Variants in SEMA5B observed in about 807,000 individuals in gnomAD.
SEMA5B encodes the protein semaphorin-5B.
In SEMA5B, 66 loss-of-function variants were observed where a neutral mutation model predicts 135.0. The observed-to-expected ratio is 0.49, with a 90% confidence interval of 0.40 to 0.60. The LOEUF (loss-of-function observed/expected upper bound fraction) is 0.60. Among genes scored for constraint, SEMA5B ranks in the 20% least tolerant of loss-of-function variants. SEMA5B has a pLI of 0.00. For synonymous variants in SEMA5B, 690 were observed against 639.5 expected, an observed-to-expected ratio of 1.08 and a Z score of -1.19; for missense variants, 1,501 against 1,566.3, an observed-to-expected ratio of 0.96 and a Z score of 0.70.
At chr3:122,922,214 G>A (rs780025509) in intron 11 of SEMA5B, 26 bp downstream of exon 11, 8 of 1,597,264 alleles carry the variant, frequency 5.0e-6, no homozygotes, top group East Asian at 2.3e-5. Context: ...CCGACCTGCA[G>A]TCCAGGTTGG....
At chr3:122,948,376 G>A (rs1576358107) in intron 3 of SEMA5B, 130 bp downstream of exon 3, 1 of 695,934 alleles carries the variant, frequency 1.4e-6, no homozygotes, top group South Asian at 3.1e-5. Flanking sequence ...TCAGGACCCC[G>A]GGACGGGACC....
At chr3:123,006,205 A>AC (rs1942305308) in intron 1 of SEMA5B, among the ~76,000 whole-genome samples, 1 of 152,162 alleles carries the variant, frequency 6.6e-6, no homozygotes, top group Non-Finnish European at 1.5e-5. Flanking sequence ...TTGGTAAATG[A>AC]CCCCTGAGAG....
intron 21 of SEMA5B, 196 bp downstream of exon 21, chr3:122,911,293 TAC>T: frequency 6.9e-7 from 1 of 1,458,694 alleles, no homozygotes; most frequent in Non-Finnish European, 9.2e-7. Flanking sequence ...CTTCCTTGGG[TAC>T]AGACTGATGA....
At position 122,989,412 on chromosome 3, in the gene SEMA5B, ACCTTC is replaced by A. The variant is rs547529865; in HGVS notation, c.-38-28116_-38-28112del. 2.6e-5 allele frequency among the ~76,000 whole-genome samples: 4 copies of A among 152,224 alleles called. No homozygotes were observed. In the South Asian group the frequency reaches 8.3e-4, roughly 32 times the overall value. On this transcript the variant is annotated intron_variant, in intron 1 of 22. Coordinates refer to ENST00000357599, the MANE Select transcript of SEMA5B (RefSeq NM_001031702.4). ...TGCAGAGGCAGTGTCCTGGCTCTGA[ACCTTC>A]CCCTCATAGTCGACCCTAGACTGGC...
At chr3:122,941,452 GT>G (rs1378711726) in intron 4 of SEMA5B, among the ~76,000 whole-genome samples, 1 of 152,242 alleles carries the variant, frequency 6.6e-6, no homozygotes, top group African/African-American at 2.4e-5. Flanking sequence ...CTGAGCTTCA[GT>G]TTCCTGGTCC....
intron 2 of SEMA5B, among the ~76,000 whole-genome samples, chr3:122,953,843 T>C (rs1035176621): frequency 4.6e-5 from 7 of 152,220 alleles, no homozygotes; most frequent in Non-Finnish European, 7.3e-5. Flanking sequence ...CCCCTCCATT[T>C]ATGGTCAAAG....
intron 1 of SEMA5B, among the ~76,000 whole-genome samples, chr3:122,972,353 A>T (rs553346428): frequency 6.6e-6 from 1 of 152,292 alleles, no homozygotes; most frequent in South Asian, 2.1e-4. Flanking sequence ...ATGGTAACAC[A>T]AATGGTTCTG....
intron 1 of SEMA5B, among the ~76,000 whole-genome samples, chr3:122,962,382 G>A (rs760061584): frequency 7.2e-5 from 11 of 152,176 alleles, no homozygotes; most frequent in South Asian, 6.2e-4. Context: ...GAGGAACATC[G>A]GGAAGCCCGA....
At chr3:122,988,452 C>T (rs1941766247) in intron 1 of SEMA5B, among the ~76,000 whole-genome samples, 1 of 152,218 alleles carries the variant, frequency 6.6e-6, no homozygotes, top group Non-Finnish European at 1.5e-5. Flanking sequence ...CTGGATCCCA[C>T]TGGAGGGGCG....
intron 2 of SEMA5B, among the ~76,000 whole-genome samples, chr3:122,950,378 G>T (rs1356016482): frequency 6.6e-6 from 1 of 152,110 alleles, no homozygotes; most frequent in Non-Finnish European, 1.5e-5. Flanking sequence ...GGCAATATCT[G>T]GCAAAACCAC....
intron 1 of SEMA5B, among the ~76,000 whole-genome samples, chr3:122,989,116 C>G (rs1398365168): frequency 2.0e-5 from 3 of 152,242 alleles, no homozygotes; most frequent in Admixed American, 2.0e-4. Flanking sequence ...AATCTTTTTG[C>G]ATCTAACCAG....
Position 122,922,007 on chromosome 3 carries a change from GCGCAGGCTGC to G in SEMA5B, c.1586_1595del (p.Arg529ProfsTer13). Reference sequence around the variant, plus strand: ...AGAGCGCGCGGGCGCTGTGCAGGATGCGCAGGCTGCGCAGGGGCTCGCGGCGCCCGGGGGG... The same window carrying G: ...AGAGCGCGCGGGCGCTGTGCAGGATGGCAGGGGCTCGCGGCGCCCGGGGGG... On this transcript the variant is annotated frameshift_variant, in exon 12 of 23. Coordinates refer to ENST00000357599, the MANE Select transcript of SEMA5B (RefSeq NM_001031702.4). LOFTEE classifies it high-confidence loss of function. 1 of 1,523,198 alleles carries G rather than the reference GCGCAGGCTGC, an allele frequency of 6.6e-7. No homozygotes were observed. 94.4% of individuals were successfully genotyped at this position (1,523,198 alleles called of 1,614,324 possible). A position where few individuals can be genotyped will look rare whatever the true frequency, so the allele number is the denominator to read the frequency against.
At chr3:123,000,046 A>G (rs1412271427) in intron 1 of SEMA5B, among the ~76,000 whole-genome samples, 7 of 152,060 alleles carry the variant, frequency 4.6e-5, no homozygotes, top group Non-Finnish European at 1.0e-4. Flanking sequence ...CATCTCTACT[A>G]AAAATACAAA....
At chr3:123,006,287 A>C (rs1234618979) in intron 1 of SEMA5B, among the ~76,000 whole-genome samples, 3 of 152,184 alleles carry the variant, frequency 2.0e-5, no homozygotes, top group Non-Finnish European at 4.4e-5. Flanking sequence ...ACAAGTCAGG[A>C]GCGTGAAAAT....
rs71136597 is a variant in SEMA5B at position 122,932,243 on chromosome 3, A to ATTTTTTTTTTTT, written c.475-3197_475-3186dup. Among the ~76,000 whole-genome samples the ATTTTTTTTTTTT allele has an allele frequency of 5.9e-5, 5 of 85,392 alleles. 2 individuals carry two copies. The highest frequency in any genetic ancestry group is 6.4e-5 in the Non-Finnish European group (3 of 46,980). 56.0% of individuals were successfully genotyped at this position (85,392 alleles called of 152,430 possible). The stretch of plus-strand genomic sequence containing the variant: ...GGTCTTACACATCCCTCTCAATATG[A>ATTTTTTTTTTTT]TTTTTTTTTTTTTTTTTTTTTTTTT... On this transcript the variant is annotated intron_variant, in intron 5 of 22. Coordinates refer to ENST00000357599, the MANE Select transcript of SEMA5B (RefSeq NM_001031702.4).
chr3:122,918,624 C>T (rs1938192324), intron 12 of SEMA5B, among the ~76,000 whole-genome samples: 1 of 152,212 alleles, frequency 6.6e-6, no homozygotes, highest in Non-Finnish European at 1.5e-5. Context: ...TCCAAGCCCT[C>T]TCACCCCTTC....
intron 1 of SEMA5B, among the ~76,000 whole-genome samples, chr3:122,971,162 C>T (rs1408335357): frequency 6.6e-6 from 1 of 152,222 alleles, no homozygotes; most frequent in African/African-American, 2.4e-5. Flanking sequence ...AACAAACCAC[C>T]TTAGTCCTTG....
At chr3:123,008,711 A>T (rs1322343756) in intron 1 of SEMA5B, among the ~76,000 whole-genome samples, 1 of 152,206 alleles carries the variant, frequency 6.6e-6, no homozygotes, top group Non-Finnish European at 1.5e-5. Flanking sequence ...TAGACAATCC[A>T]GGAGCCAGCT....
At chr3:122,934,164 C>T (rs1939134098) in intron 5 of SEMA5B, among the ~76,000 whole-genome samples, 1 of 151,532 alleles carries the variant, frequency 6.6e-6, no homozygotes, top group Non-Finnish European at 1.5e-5. Flanking sequence ...GCCTCGGCCT[C>T]CCAAAGTGCT....
Sources: allele counts gnomAD v4.1 joint callset (sites outside exome capture counted in the v4.1 genomes callset), GRCh38; gene constraint gnomAD v4.1.1; transcripts MANE v1.5; gene names NCBI Gene and HGNC (gene_info 2026-07-23, HGNC 2026-07-21).